Variants in PXK observed in about 807,000 individuals in gnomAD.
PXK encodes the protein PX domain containing serine/threonine kinase like, also known as PX domain-containing protein kinase-like protein.
Under a neutral mutation model 84.7 loss-of-function variants are expected in PXK, and 35 were observed. The ratio of observed to expected loss-of-function variants is 0.41; its 90% CI spans 0.32 to 0.55. The LOEUF is 0.55. PXK is among the 20% of genes least tolerant of loss of function. The probability of loss-of-function intolerance (pLI) is 0.21; values close to 1 mark genes in which losing one functional copy is unlikely to be tolerated. For missense variants in PXK, 634 were observed against 699.7 expected (o/e 0.91, Z 1.06); for synonymous variants, 253 against 260.8 (o/e 0.97, Z 0.29).
intron 1 of PXK, among the ~76,000 whole-genome samples, chr3:58,340,396 T>A (rs2097708946): frequency 6.6e-6 from 1 of 150,880 alleles, no homozygotes; most frequent in Admixed American, 6.6e-5. Context: ...GTGCTGGGAT[T>A]ACAAGTGTGA....
intron 1 of PXK, among the ~76,000 whole-genome samples, chr3:58,343,561 G>C (rs931015452): frequency 6.6e-6 from 1 of 152,240 alleles, no homozygotes; most frequent in African/African-American, 2.4e-5. Context: ...ATGCTGTTGA[G>C]GGTGGACAGG....
At chr3:58,386,565 G>A (rs960720304) in intron 4 of PXK, among the ~76,000 whole-genome samples, 10 of 152,038 alleles carry the variant, frequency 6.6e-5, no homozygotes, top group African/African-American at 2.4e-4. Context: ...AAAGCGCTGG[G>A]ATTACAGGCA....
rs1274846371 is a variant in PXK at position 58,333,727 on chromosome 3, A to G, written c.102+637A>G. On this transcript the variant is annotated intron_variant, in intron 1 of 17. Coordinates refer to ENST00000356151, the MANE Select transcript of PXK (RefSeq NM_017771.5). The surrounding 1 kb of genome is among the most constrained non-coding windows in gnomAD (Gnocchi z 5.4). ...TTCTCTAACTTGCTCTTTAGTGGGC[A>G]GTGGTAGCATTCATTTGAGTTTAAA... 1 of 436,958 alleles carries G rather than the reference A, an allele frequency of 2.3e-6. No individual in the cohort carries two copies. Among genetic ancestry groups the G allele is most frequent in the East Asian group, 7.1e-5 (1 of 14,174 alleles). The allele number at this position is 436,958 out of a possible 1,614,324, so 27.1% of individuals were successfully genotyped here. A position where few individuals can be genotyped will look rare whatever the true frequency, so the allele number is the denominator to read the frequency against.
rs2059616247 is a variant in PXK, at chr3:58,407,788, C to G, written c.1231-1136C>G. 6.6e-6 allele frequency among the ~76,000 whole-genome samples: 1 copy of G among 152,140 alleles called. No homozygotes were observed. The highest frequency in any genetic ancestry group is 2.4e-5 in the African/African-American group (1 of 41,430). ...GCCAGGCTGGTCTTGAACTTCTGAC[C>G]TCAAGTGATCCACCCACCTCAGCCT... is the stretch of plus-strand genomic sequence containing the variant. On this transcript the variant is annotated intron_variant, in intron 13 of 17. Coordinates refer to ENST00000356151, the MANE Select transcript of PXK (RefSeq NM_017771.5). This position sits in a 1 kb window ranked among gnomAD's most constrained non-coding sequence, Gnocchi z 4.3.
At chr3:58,344,627 C>G (rs2097786374) in intron 1 of PXK, among the ~76,000 whole-genome samples, 1 of 152,200 alleles carries the variant, frequency 6.6e-6, no homozygotes, top group African/African-American at 2.4e-5. Context: ...AGTTCGAGAC[C>G]AGCCTGGCCA....
At chr3:58,352,130 C>G (rs1163265088) in intron 1 of PXK, among the ~76,000 whole-genome samples, 1 of 152,168 alleles carries the variant, frequency 6.6e-6, no homozygotes, top group Non-Finnish European at 1.5e-5. Flanking sequence ...CTGCTGGGGA[C>G]TTGTGGCTGT....
In PXK at chr3:58,397,704, G is replaced by A. The variant is rs1453655289; in HGVS notation, c.1084G>A (p.Ala362Thr). The A allele has an allele frequency of 6.2e-7, 1 of 1,613,580 alleles. No homozygotes were observed. Among genetic ancestry groups the A allele is most frequent in the African/African-American group, 1.3e-5 (1 of 74,890 alleles). ...GGTGCCTGTGGACTCCTTCCCTCCT[G>A]CCCCGTCCATGGCTGTGGGTCAGTA... ...DSVPVDSFPPAPSMAVVAVLE... is the reference protein window; with the variant it reads ...DSVPVDSFPPTPSMAVVAVLE... Residue 362 changes from alanine to threonine, a missense_variant, in exon 11 of 18, where the codon GCC (alanine) becomes ACC (threonine). Physicochemically the swap from Ala to Thr is moderately conservative, Grantham distance 58. Around this residue, in one of 3 missense-constraint regions of PXK, gnomAD observed 273 missense variants for 283.6 expected, o/e 0.96. Coordinates refer to ENST00000356151, the MANE Select transcript of PXK (RefSeq NM_017771.5). The surrounding 1 kb of genome is among the most constrained non-coding windows in gnomAD (Gnocchi z 4.7).
At chr3:58,418,745 A>G (rs1468768912) in intron 17 of PXK, among the ~76,000 whole-genome samples, 7 of 152,206 alleles carry the variant, frequency 4.6e-5, no homozygotes, top group Admixed American at 3.3e-4. Flanking sequence ...TCTTGCTTGT[A>G]GTTTATGTTT....
chr3:58,406,543 G>T (rs143453138), intron 13 of PXK, among the ~76,000 whole-genome samples: 178 of 152,262 alleles, frequency 1.2e-3, no homozygotes, highest in African/African-American at 4.1e-3. Flanking sequence ...GATTACAGGT[G>T]TGAGCCACTG....
intron 1 of PXK, among the ~76,000 whole-genome samples, chr3:58,338,454 C>G (rs1195350607): frequency 1.3e-5 from 2 of 150,778 alleles, no homozygotes; most frequent in African/African-American, 4.9e-5. Flanking sequence ...GAAACCCTGT[C>G]TCTACTAAAA....
At chr3:58,380,617 C>G (rs576992077) in intron 3 of PXK, among the ~76,000 whole-genome samples, 5 of 152,026 alleles carry the variant, frequency 3.3e-5, no homozygotes, top group African/African-American at 1.2e-4. Flanking sequence ...TCGAGACCAG[C>G]CTGGCCAACA....
Position 58,370,741 on chromosome 3 carries a change from G to A in PXK, c.201+1263G>A, listed in dbSNP as rs1267109638. On this transcript the variant is annotated intron_variant, in intron 3 of 17. Transcript: ENST00000356151. This position sits in a 1 kb window ranked among gnomAD's most constrained non-coding sequence, Gnocchi z 4.2. ...GGGCCACACGTCGTGGCTCACTCCC[G>A]TAATCCCAGCACTTTGGGAGGCTGA... Among the ~76,000 whole-genome samples, 1 of 152,150 alleles carries A rather than the reference G, an allele frequency of 6.6e-6. No homozygotes were observed. Among genetic ancestry groups the A allele is most frequent in the Non-Finnish European group, 1.5e-5 (1 of 68,020 alleles).
rs150756250 is a variant in PXK at position 58,423,444 on chromosome 3, T to A, written c.1529-1308T>A. 4.0e-4 allele frequency: 608 copies of A among 1,526,998 alleles called. 4 individuals are homozygous for A. In the Middle Eastern group the frequency reaches 0.01, roughly 26 times the overall value. 94.6% of individuals were successfully genotyped at this position (1,526,998 alleles called of 1,614,324 possible). A position where few individuals can be genotyped will look rare whatever the true frequency, so the allele number is the denominator to read the frequency against. On this transcript the variant is annotated intron_variant, in intron 17 of 17. Coordinates refer to ENST00000356151, the MANE Select transcript of PXK (RefSeq NM_017771.5). Reference sequence around the variant, plus strand: ...CAGAGCATGAGCGTGTGTATTTGTGTGATTCTTTAATTTCAGCTGCCTTAG... The same window carrying A: ...CAGAGCATGAGCGTGTGTATTTGTGAGATTCTTTAATTTCAGCTGCCTTAG...
At position 58,370,277 on chromosome 3, in the gene PXK, A is replaced by G. The variant is rs959411538; in HGVS notation, c.201+799A>G. Among the ~76,000 whole-genome samples the G allele has an allele frequency of 2.6e-5, 4 of 152,238 alleles. No homozygotes were observed. The highest frequency in any genetic ancestry group is 4.8e-5 in the African/African-American group (2 of 41,474). ...TTTAAATGTTCCTAACTTGAGGGCC[A>G]TAATGGGAAGAAGCATGAGCTGGAA... On this transcript the variant is annotated intron_variant, in intron 3 of 17. Coordinates refer to ENST00000356151, the MANE Select transcript of PXK (RefSeq NM_017771.5). The surrounding 1 kb of genome is among the most constrained non-coding windows in gnomAD (Gnocchi z 4.2).
chr3:58,340,652 GAA>G (rs1286140642), intron 1 of PXK, among the ~76,000 whole-genome samples: 4 of 151,928 alleles, frequency 2.6e-5, no homozygotes, highest in African/African-American at 9.7e-5. Context: ...TTGAACCCAG[GAA>G]GTGGAGATTG....
At position 58,332,937 on chromosome 3, in the gene PXK, G is replaced by C. The variant is rs2097520290; in HGVS notation, c.-52G>C. ...AACCGGGCGGGCGGCGGGAGTCGGC[G>C]CCTCGGGTTCCTACCTCGCGTCCCT... On this transcript the variant is annotated 5_prime_UTR_variant, in exon 1 of 18. Coordinates refer to ENST00000356151, the MANE Select transcript of PXK (RefSeq NM_017771.5). This position sits in a 1 kb window ranked among gnomAD's most constrained non-coding sequence, Gnocchi z 5.6. 8.5e-7 allele frequency: 1 copy of C among 1,176,534 alleles called. No individual in the cohort carries two copies. Among genetic ancestry groups the C allele is most frequent in the Non-Finnish European group, 1.1e-6 (1 of 914,556 alleles). 72.9% of individuals were successfully genotyped at this position (1,176,534 alleles called of 1,614,324 possible).
chr3:58,353,424 A>T (rs556014107), intron 1 of PXK, among the ~76,000 whole-genome samples: 73 of 152,316 alleles, frequency 4.8e-4, no homozygotes, highest in African/African-American at 1.7e-3. Context: ...AAAAACCCTT[A>T]ACATTTTCAT....
rs2058096141 is a variant in PXK, at chr3:58,398,645, C to T, written c.1103-654C>T. ...CTCATCCAGGACCCTTTCATCCCCTCCACAGCCAGGCTGGCACCCACAGCT... is the reference window on the plus strand; with the variant it reads ...CTCATCCAGGACCCTTTCATCCCCTTCACAGCCAGGCTGGCACCCACAGCT... On this transcript the variant is annotated intron_variant, in intron 11 of 17. Transcript: ENST00000356151. This position sits in a 1 kb window ranked among gnomAD's most constrained non-coding sequence, Gnocchi z 4.5. 6.6e-6 allele frequency among the ~76,000 whole-genome samples: 1 copy of T among 152,158 alleles called. No individual in the cohort carries two copies. The highest frequency in any genetic ancestry group is 6.5e-5 in the Admixed American group (1 of 15,276).
intron 3 of PXK, among the ~76,000 whole-genome samples, chr3:58,382,074 G>T (rs1343820049): frequency 1.3e-5 from 2 of 152,166 alleles, no homozygotes; most frequent in Non-Finnish European, 2.9e-5. Flanking sequence ...CCAGCACTTT[G>T]GGAGGCCGAA....
Sources: gnomAD v4.1 joint callset for allele counts (sites outside exome capture counted in the v4.1 genomes callset) on GRCh38, gnomAD v4.1.1 for gene constraint, gnomAD v4.1.1 regional missense constraint, Gnocchi (gnomAD v3.1) non-coding constraint, MANE v1.5 for transcripts, NCBI Gene and HGNC (gene_info 2026-07-23, HGNC 2026-07-21) for gene names.